The following SEC24D variants were observed in gnomAD, a reference collection of about 807,000 sequenced individuals.
SEC24D encodes protein transport protein Sec24D.
SEC24D carries 69 observed loss-of-function variants against 116.9 expected under a neutral mutation model. The observed-to-expected ratio is 0.59, with a 90% CI of 0.49 to 0.72. SEC24D has a LOEUF of 0.72. SEC24D is among the 30% of genes least tolerant of loss of function. The probability of loss-of-function intolerance (pLI) is 0.00; values close to 1 mark genes in which losing one functional copy is unlikely to be tolerated. For missense variants in SEC24D, 1,131 were observed against 1,264.1 expected (o/e 0.89, Z 1.60); for synonymous variants, 405 against 442.8 (o/e 0.91, Z 1.07).
At position 118,735,458 on chromosome 4, in the gene SEC24D, GA is replaced by G. The variant is rs558498001; in HGVS notation, c.2497-2547del. Among the ~76,000 whole-genome samples the G allele has an allele frequency of 3.9e-5, 6 of 152,236 alleles. No homozygotes were observed. In the South Asian group the frequency reaches 1.2e-3, roughly 32 times the overall value. On this transcript the variant is annotated intron_variant, in intron 19 of 22. Transcript: ENST00000280551. ...TATAAGTCGAGCTTGCTTGAATTTGGAAAATTCTTTCCTTCTTTAGGTTTTA... is the reference window on the plus strand; with the variant it reads ...TATAAGTCGAGCTTGCTTGAATTTGGAAATTCTTTCCTTCTTTAGGTTTTA...
intron 19 of SEC24D, among the ~76,000 whole-genome samples, chr4:118,737,940 C>A (rs942393304): frequency 1.3e-5 from 2 of 152,096 alleles, no homozygotes; most frequent in African/African-American, 4.8e-5. Flanking sequence ...CATTTCATAA[C>A]AAAATACCCA....
At chr4:118,752,481 T>TA (rs1460367592) in intron 12 of SEC24D, among the ~76,000 whole-genome samples, 1 of 152,186 alleles carries the variant, frequency 6.6e-6, no homozygotes, top group East Asian at 1.9e-4. Context: ...TGTGAGCATT[T>TA]AAAAAATTCT....
intron 10 of SEC24D, among the ~76,000 whole-genome samples, chr4:118,760,094 C>A (rs967024180): frequency 6.6e-6 from 1 of 152,210 alleles, no homozygotes; most frequent in African/African-American, 2.4e-5. Flanking sequence ...TGAAGGCCCA[C>A]GTGGCTCTTT....
rs532192157 is a variant in SEC24D, at chr4:118,742,447, C to T, written c.1996-1410G>A. Reference sequence around the variant, plus strand: ...AGCTAAAATTGATTAGCATGGTAGGCTTCATGTACCTCAATACCCAGAATG... The same window carrying T: ...AGCTAAAATTGATTAGCATGGTAGGTTTCATGTACCTCAATACCCAGAATG... On this transcript the variant is annotated intron_variant, in intron 15 of 22. Transcript: ENST00000280551. Among the ~76,000 whole-genome samples the T allele has an allele frequency of 4.6e-5, 7 of 152,200 alleles. No homozygotes were observed. In the South Asian group the frequency reaches 1.5e-3, roughly 32 times the overall value.
intron 10 of SEC24D, among the ~76,000 whole-genome samples, chr4:118,761,092 T>G (rs556615616): frequency 6.6e-6 from 1 of 152,220 alleles, no homozygotes; most frequent in African/African-American, 2.4e-5. Context: ...CTACATTAAT[T>G]TCTAATGTTC....
chr4:118,793,339 C>A (rs982254220), intron 8 of SEC24D, among the ~76,000 whole-genome samples: 1 of 149,896 alleles, frequency 6.7e-6, no homozygotes, highest in African/African-American at 2.4e-5. Flanking sequence ...TAGTGGCGGG[C>A]GCCTGTAGTC....
intron 6 of SEC24D, among the ~76,000 whole-genome samples, chr4:118,812,417 G>A (rs866849001): frequency 6.6e-6 from 1 of 152,104 alleles, no homozygotes; most frequent in Non-Finnish European, 1.5e-5. Flanking sequence ...ACCCTGGCCC[G>A]CCATACCCCC....
chr4:118,780,841 C>T (rs530405672), intron 8 of SEC24D, among the ~76,000 whole-genome samples: 1 of 151,600 alleles, frequency 6.6e-6, no homozygotes, highest in East Asian at 1.9e-4. Context: ...TATGCAATGG[C>T]CTTGTCCCTT....
At chr4:118,756,274 GT>G (rs539931705) in intron 11 of SEC24D, among the ~76,000 whole-genome samples, 2 of 152,076 alleles carry the variant, frequency 1.3e-5, no homozygotes, top group Non-Finnish European at 2.9e-5. Flanking sequence ...TAAGAATAGG[GT>G]AAGGGAAACT....
intron 15 of SEC24D, among the ~76,000 whole-genome samples, chr4:118,741,773 A>G (rs1003493251): frequency 3.9e-5 from 6 of 152,214 alleles, no homozygotes; most frequent in Non-Finnish European, 7.3e-5. Flanking sequence ...GATCATAGAC[A>G]CAATCTTTAC....
At chr4:118,833,543 G>C (rs1352021523) in intron 2 of SEC24D, 36 bp downstream of exon 2, 1 of 1,400,326 alleles carries the variant, frequency 7.1e-7, no homozygotes, top group Admixed American at 1.8e-5. Flanking sequence ...CCTGAGAACT[G>C]AATAATCACA....
chr4:118,730,422 T>G (rs1725624209), intron 21 of SEC24D: 1 of 152,244 alleles, frequency 6.6e-6, no homozygotes, highest in African/African-American at 2.4e-5. Flanking sequence ...TGTCATGGCC[T>G]TGAATTTTAA....
At chr4:118,771,878 G>A (rs1727919838) in intron 8 of SEC24D, among the ~76,000 whole-genome samples, 2 of 152,118 alleles carry the variant, frequency 1.3e-5, no homozygotes, top group South Asian at 4.1e-4. Context: ...TAGCGGGGTA[G>A]AAAGACAGTA....
In SEC24D at chr4:118,819,270, G is replaced by T. The variant is rs1315442401; in HGVS notation, c.249-1858C>A. Among the ~76,000 whole-genome samples the T allele has an allele frequency of 5.9e-5, 9 of 152,258 alleles. No homozygotes were observed. The East Asian group carries it at 1.7e-3, about 29-fold the overall frequency. ...TTGTCTGCGGGGCGTGGTGGCTCATGCTTGTAATTCCAGCACTTTGGGAGG... is the reference window on the plus strand; with the variant it reads ...TTGTCTGCGGGGCGTGGTGGCTCATTCTTGTAATTCCAGCACTTTGGGAGG... On this transcript the variant is annotated intron_variant, in intron 3 of 22. Coordinates refer to ENST00000280551, the MANE Select transcript of SEC24D (RefSeq NM_014822.4).
chr4:118,757,126 T>C (rs1280461945), intron 11 of SEC24D, among the ~76,000 whole-genome samples: 3 of 152,210 alleles, frequency 2.0e-5, no homozygotes, highest in African/African-American at 7.2e-5. Context: ...GTCTGAAGTC[T>C]TGAGTAAGGT....
intron 8 of SEC24D, among the ~76,000 whole-genome samples, chr4:118,797,422 T>G (rs950155772): frequency 1.3e-5 from 2 of 152,194 alleles, no homozygotes; most frequent in Non-Finnish European, 2.9e-5. Context: ...TGTGTGACAT[T>G]CTATATTTTC....
intron 8 of SEC24D, among the ~76,000 whole-genome samples, chr4:118,770,723 C>G (rs1028991880): frequency 6.6e-6 from 1 of 152,154 alleles, no homozygotes; most frequent in Non-Finnish European, 1.5e-5. Context: ...AAACCAGACC[C>G]AGCCTAAAAT....
Position 118,749,941 on chromosome 4 carries a change from T to C in SEC24D, c.1707+2055A>G, listed in dbSNP as rs559588708. Among the ~76,000 whole-genome samples the C allele has an allele frequency of 3.9e-5, 6 of 152,360 alleles. No individual in the cohort carries two copies. In the East Asian group the frequency reaches 1.2e-3, roughly 29 times the overall value. ...TTTTATAAAGATAGTTCATTCTACT[T>C]TGTAAGAACATTATTATACTACTCA... On this transcript the variant is annotated intron_variant, in intron 13 of 22. Transcript: ENST00000280551.
chr4:118,724,785 C>T lies in SEC24D; in HGVS notation c.2959-1130G>A, dbSNP rs114643289. 9.6e-3 allele frequency among the ~76,000 whole-genome samples: 1,457 copies of T among 152,250 alleles called. 17 individuals carry two copies. The highest frequency in any genetic ancestry group is 0.033 in the African/African-American group (1,379 of 41,520). On this transcript the variant is annotated intron_variant, in intron 22 of 22. Transcript: ENST00000280551. ...AATTGTCATAATTTCATATTTATTG[C>T]GCCACAAGTGGGGTTAACTGAGCCA...
Sources: allele counts gnomAD v4.1 joint callset (sites outside exome capture counted in the v4.1 genomes callset), GRCh38; gene constraint gnomAD v4.1.1; transcripts MANE v1.5; gene names NCBI Gene and HGNC (gene_info 2026-07-23, HGNC 2026-07-21).